Variants in SRD5A1 observed in about 807,000 individuals in gnomAD.
SRD5A1 encodes steroid 5 alpha-reductase 1.
In SRD5A1, 22 loss-of-function variants were observed where a neutral mutation model predicts 28.2. The ratio of observed to expected loss-of-function variants is 0.78; its 90% confidence interval spans 0.56 to 1.12. The LOEUF (loss-of-function observed/expected upper bound fraction) is 1.12, where lower values mean the gene tolerates loss of function less well. SRD5A1 is among the 50% of genes most tolerant of loss of function. SRD5A1 has a pLI of 0.00. For missense variants in SRD5A1, 300 were observed against 346.7 expected (o/e 0.87, Z 1.07); for synonymous variants, 151 against 135.0 (o/e 1.12, Z -0.82).
At chr5:6,645,170 C>G in intron 1 of SRD5A1, 2 of 367,124 alleles carry the variant, frequency 5.4e-6, no homozygotes, top group South Asian at 4.1e-5. Flanking sequence ...TGAGGATGCA[C>G]AGCCAGCATG....
chr5:6,670,990 A>C lies in SRD5A1; in HGVS notation c.*2722A>C, dbSNP rs1463889116. ...ATGTGCGTGCAAGTATCTTTTTTTG[A>C]ATAATGACTTCTTTTCCTCTGGGTA... On this transcript the variant is annotated 3_prime_UTR_variant, in exon 5 of 5. Transcript: ENST00000274192. 6.6e-6 allele frequency: 1 copy of C among 152,088 alleles called. No homozygotes were observed. The highest frequency in any genetic ancestry group is 1.5e-5 in the Non-Finnish European group (1 of 68,014). The allele number at this position is 152,088 out of a possible 1,614,324, so 9.4% of individuals were successfully genotyped here.
chr5:6,642,700 G>C (rs986397262), intron 1 of SRD5A1, among the ~76,000 whole-genome samples: 1 of 152,216 alleles, frequency 6.6e-6, no homozygotes, highest in Non-Finnish European at 1.5e-5. Context: ...CAAGTCTGCA[G>C]TAAAAGCTAC....
intron 2 of SRD5A1, among the ~76,000 whole-genome samples, chr5:6,655,472 C>T (rs537641369): frequency 1.3e-5 from 2 of 152,264 alleles, no homozygotes; most frequent in African/African-American, 4.8e-5. Context: ...TGTCAAGAAC[C>T]GAGGAGGAAG....
rs571663034 is a variant in SRD5A1 at position 6,674,363 on chromosome 5, TA to T, written c.*6105del. The stretch of plus-strand genomic sequence containing the variant: ...AGCTGCTCTAAAAAATTAAATCTAT[TA>T]AAAAAAAAACTGAGTGGAAAAAGAG... On this transcript the variant is annotated 3_prime_UTR_variant, in exon 5 of 5. Transcript: ENST00000274192. 4.0e-3 allele frequency: 593 copies of T among 149,148 alleles called. 2 individuals are homozygous for T. The highest frequency in any genetic ancestry group is 6.9e-3 in the Middle Eastern group (2 of 290). The allele number at this position is 149,148 out of a possible 1,614,324, so 9.2% of individuals were successfully genotyped here.
chr5:6,641,642 C>T (rs1305248732), intron 1 of SRD5A1, among the ~76,000 whole-genome samples: 2 of 152,234 alleles, frequency 1.3e-5, no homozygotes, highest in Non-Finnish European at 2.9e-5. Flanking sequence ...AATCAGAGAA[C>T]ACCAGAAGAG....
Position 6,653,927 on chromosome 5 carries a change from T to C in SRD5A1, c.460+1919T>C, listed in dbSNP as rs368884675. On this transcript the variant is annotated intron_variant, in intron 2 of 4. Transcript: ENST00000274192. Reference sequence around the variant, plus strand: ...AAAATATGCCAAGTGGAAGACAATCTAGGTTACCTTTTGTGTGTTATATTT... The same window carrying C: ...AAAATATGCCAAGTGGAAGACAATCCAGGTTACCTTTTGTGTGTTATATTT... 5.3e-5 allele frequency among the ~76,000 whole-genome samples: 8 copies of C among 152,338 alleles called. No individual in the cohort carries two copies. In the East Asian group the frequency reaches 1.5e-3, roughly 29 times the overall value.
Position 6,671,718 on chromosome 5 carries a change from A to G in SRD5A1, c.*3450A>G, listed in dbSNP as rs1191975546. 4 of 152,166 alleles carry G rather than the reference A, an allele frequency of 2.6e-5. No individual in the cohort carries two copies. The highest frequency in any genetic ancestry group is 1.9e-4 in the East Asian group (1 of 5,188). 9.4% of individuals were successfully genotyped at this position (152,166 alleles called of 1,614,324 possible). On this transcript the variant is annotated 3_prime_UTR_variant, in exon 5 of 5. Coordinates refer to ENST00000274192, the MANE Select transcript of SRD5A1 (RefSeq NM_001047.4). ...GGGTGAGGAATAAAAGACAACATATATGGTATAGTATATACTACTCAGGAG... is the reference window on the plus strand; with the variant it reads ...GGGTGAGGAATAAAAGACAACATATGTGGTATAGTATATACTACTCAGGAG...
chr5:6,652,536 T>C (rs975032753), intron 2 of SRD5A1, among the ~76,000 whole-genome samples: 25 of 151,858 alleles, frequency 1.6e-4, no homozygotes, highest in Admixed American at 1.2e-3. Context: ...TAAGCAAAAA[T>C]GAAAATAAAA....
intron 4 of SRD5A1, among the ~76,000 whole-genome samples, chr5:6,664,747 C>T (rs1456571597): frequency 6.6e-6 from 1 of 152,220 alleles, no homozygotes; most frequent in Non-Finnish European, 1.5e-5. Context: ...TAAATGTGAG[C>T]TCTAAGAGCA....
chr5:6,640,421 A>G (rs1738326288), intron 1 of SRD5A1, among the ~76,000 whole-genome samples: 1 of 152,202 alleles, frequency 6.6e-6, no homozygotes, highest in African/African-American at 2.4e-5. Flanking sequence ...TAATACTCTC[A>G]GTTCAGCTCC....
chr5:6,636,837 G>A (rs1259457322), intron 1 of SRD5A1, among the ~76,000 whole-genome samples: 1 of 152,130 alleles, frequency 6.6e-6, no homozygotes, highest in East Asian at 1.9e-4. Context: ...GAGTTGAGGA[G>A]TAAAAGACAG....
chr5:6,641,705 A>G (rs1738366247), intron 1 of SRD5A1, among the ~76,000 whole-genome samples: 1 of 152,242 alleles, frequency 6.6e-6, no homozygotes, highest in African/African-American at 2.4e-5. Context: ...GTTCTCAGAC[A>G]TTCACATGAG....
chr5:6,653,221 T>A (rs1406986791), intron 2 of SRD5A1, among the ~76,000 whole-genome samples: 2 of 152,154 alleles, frequency 1.3e-5, no homozygotes, highest in Non-Finnish European at 2.9e-5. Flanking sequence ...TATTCCAAGG[T>A]TTCATCATAC....
chr5:6,655,449 C>G (rs1738803100), intron 2 of SRD5A1, among the ~76,000 whole-genome samples: 2 of 152,164 alleles, frequency 1.3e-5, no homozygotes, highest in Admixed American at 1.3e-4. Context: ...TGCAGGCGGC[C>G]ACGGGAGACT....
At position 6,673,975 on chromosome 5, in the gene SRD5A1, C is replaced by T. The variant is rs1739434331; in HGVS notation, c.*5707C>T. On this transcript the variant is annotated 3_prime_UTR_variant, in exon 5 of 5. Coordinates refer to ENST00000274192, the MANE Select transcript of SRD5A1 (RefSeq NM_001047.4). ...AAGGGAGGGATGAACAGGCAGAATA[C>T]AAACAAATTTTAGGGCAGTGAAACT... The T allele has an allele frequency of 6.6e-6, 1 of 151,984 alleles. No individual in the cohort carries two copies. Among genetic ancestry groups the T allele is most frequent in the Non-Finnish European group, 1.5e-5 (1 of 67,988 alleles). 9.4% of individuals were successfully genotyped at this position (151,984 alleles called of 1,614,324 possible).
Position 6,633,665 on chromosome 5 carries a change from G to A in SRD5A1, c.89G>A (p.Arg30His), listed in dbSNP as rs774587112. Reference protein sequence around the residue: ...QCAVGCAVFARNRQTNSVYGR... With the variant: ...QCAVGCAVFAHNRQTNSVYGR... ...GCCGTGGGCTGCGCGGTCTTCGCGC[G>A]CAATCGTCAGACGAACTCAGTGTAC... The change falls in exon 1 of 5, where the codon CGC becomes CAC. Residue 30 changes from arginine to histidine, a missense_variant. Physicochemically the swap from Arg to His is conservative, Grantham distance 29 (BLOSUM62 0). Around this residue, in one of 2 missense-constraint regions of SRD5A1, gnomAD observed 174 missense variants for 160.9 expected, o/e 1.08. Transcript: ENST00000274192. 9 of 1,579,488 alleles carry A rather than the reference G, an allele frequency of 5.7e-6. No individual in the cohort carries two copies. The Admixed American group carries it at 1.4e-4, about 25-fold the overall frequency.
Position 6,633,845 on chromosome 5 carries a change from T to A in SRD5A1, c.269T>A (p.Met90Lys). ...GCGCCCAACTGCATCCTCCTGGCCA[T>A]GTTCCTCGTCCACTACGGGCATCGG... ...RSAPNCILLAMFLVHYGHRCL... is the reference protein window; with the variant it reads ...RSAPNCILLAKFLVHYGHRCL... The change falls in exon 1 of 5, where the codon ATG becomes AAG. Residue 90 changes from methionine (M) to lysine (K), a missense_variant. Physicochemically the swap from Met to Lys is moderately conservative, Grantham distance 95. Around this residue, in one of 2 missense-constraint regions of SRD5A1, gnomAD observed 174 missense variants for 160.9 expected, o/e 1.08. Transcript: ENST00000274192. The A allele has an allele frequency of 6.3e-7, 1 of 1,597,484 alleles. No individual in the cohort carries two copies.
rs1337188143 is a variant in SRD5A1 at position 6,674,127 on chromosome 5, ATTTAT to A, written c.*5864_*5868del. ...TTAATAATATTATTTAATTAAAATG[ATTTAT>A]TTTACTTATTTTCATTATTATCTAA... On this transcript the variant is annotated 3_prime_UTR_variant, in exon 5 of 5. Transcript: ENST00000274192. The A allele has an allele frequency of 9.2e-5, 14 of 151,766 alleles. No homozygotes were observed. The highest frequency in any genetic ancestry group is 1.9e-4 in the Non-Finnish European group (13 of 67,944). 9.4% of individuals were successfully genotyped at this position (151,766 alleles called of 1,614,324 possible). A position where few individuals can be genotyped will look rare whatever the true frequency, so the allele number is the denominator to read the frequency against.
rs899341878 is a variant in SRD5A1, at chr5:6,654,061, A to T, written c.461-2017A>T. ...AGTAATAAGCAAATAATAATAATAT[A>T]TTTTTTTTTTTGAGATGGAGTTTCT... On this transcript the variant is annotated intron_variant, in intron 2 of 4. Transcript: ENST00000274192. 8.0e-5 allele frequency among the ~76,000 whole-genome samples: 12 copies of T among 149,740 alleles called. No homozygotes were observed. In the South Asian group the frequency reaches 1.5e-3, roughly 18 times the overall value.
Sources: allele counts gnomAD v4.1 joint callset (sites outside exome capture counted in the v4.1 genomes callset), GRCh38; gene constraint gnomAD v4.1.1; regional missense constraint gnomAD v4.1.1; transcripts MANE v1.5; gene names NCBI Gene and HGNC (gene_info 2026-07-23, HGNC 2026-07-21).